Variants in FANCL observed in about 807,000 individuals in gnomAD.
FANCL encodes the protein FA complementation group L.
In FANCL, 69 loss-of-function variants were observed where a neutral mutation model predicts 59.4. The ratio of observed to expected loss-of-function variants is 1.16; its 90% confidence interval spans 0.96 to 1.42. The LOEUF is 1.42. Among genes scored for constraint, FANCL ranks in the 40% most tolerant of loss-of-function variants. The probability of loss-of-function intolerance (pLI) is 0.00; values close to 1 mark genes in which losing one functional copy is unlikely to be tolerated. For missense variants in FANCL, 519 were observed against 447.2 expected, an observed-to-expected ratio of 1.16 and a Z score of -1.45; for synonymous variants, 180 against 147.1, an observed-to-expected ratio of 1.22 and a Z score of -1.62.
chr2:58,232,683 A>T (rs1172422549), intron 1 of FANCL, among the ~76,000 whole-genome samples: 1 of 152,062 alleles, frequency 6.6e-6, no homozygotes, highest in Non-Finnish European at 1.5e-5. Flanking sequence ...TGAAATCAGT[A>T]ACATATTAAC....
intron 5 of FANCL, among the ~76,000 whole-genome samples, chr2:58,217,126 T>C (rs1473432267): frequency 2.7e-5 from 3 of 112,702 alleles, no homozygotes; most frequent in South Asian, 3.3e-4. Flanking sequence ...TACATATATA[T>C]ATATTTTTAT....
intron 7 of FANCL, among the ~76,000 whole-genome samples, chr2:58,197,065 A>G (rs1441841367): frequency 1.3e-5 from 2 of 151,726 alleles, no homozygotes. Context: ...TACTTATAGC[A>G]TACATCAAAA....
At chr2:58,168,329 A>C (rs888460855) in intron 7 of FANCL, among the ~76,000 whole-genome samples, 2 of 152,082 alleles carry the variant, frequency 1.3e-5, no homozygotes, top group Non-Finnish European at 2.9e-5. Flanking sequence ...CTATCACCTC[A>C]CTCAGGAAGC....
At chr2:58,210,992 T>A (rs1691085867) in intron 5 of FANCL, among the ~76,000 whole-genome samples, 1 of 152,174 alleles carries the variant, frequency 6.6e-6, no homozygotes, top group South Asian at 2.1e-4. Context: ...GTGTGCAAGC[T>A]GTCAGTGGAT....
In FANCL at chr2:58,234,088, T is replaced by C. The variant is rs200778219; in HGVS notation, c.97-1976A>G. Among the ~76,000 whole-genome samples the C allele has an allele frequency of 1.2e-4, 18 of 152,070 alleles. No individual in the cohort carries two copies. The East Asian group carries it at 3.3e-3, about 28-fold the overall frequency. On this transcript the variant is annotated intron_variant, in intron 1 of 13. Transcript: ENST00000233741. The stretch of plus-strand genomic sequence containing the variant: ...TAAACTATTGCAAACAGCCAAAACG[T>C]CCATGAATACAAAGATACTGTCTTC...
chr2:58,234,239 G>A (rs1047907585), intron 1 of FANCL, among the ~76,000 whole-genome samples: 1 of 151,942 alleles, frequency 6.6e-6, no homozygotes, highest in Non-Finnish European at 1.5e-5. Context: ...TGAAATAAGT[G>A]AGCATTTGTA....
At chr2:58,195,554 A>T (rs1219069025) in intron 7 of FANCL, among the ~76,000 whole-genome samples, 1 of 152,164 alleles carries the variant, frequency 6.6e-6, no homozygotes, top group East Asian at 1.9e-4. Context: ...CACAACAGAA[A>T]CCACAAGAGA....
chr2:58,171,551 C>T (rs969483624), intron 7 of FANCL, among the ~76,000 whole-genome samples: 1 of 152,048 alleles, frequency 6.6e-6, no homozygotes, highest in Non-Finnish European at 1.5e-5. Flanking sequence ...GATAGAGACA[C>T]GAAAAACCCT....
At chr2:58,236,375 T>C (rs1243730355) in intron 1 of FANCL, among the ~76,000 whole-genome samples, 2 of 151,686 alleles carry the variant, frequency 1.3e-5, no homozygotes, top group African/African-American at 2.4e-5. Context: ...GATAAACCAA[T>C]AGTGCATAAA....
Position 58,160,144 on chromosome 2 carries a change from A to G in FANCL, c.1056T>C (p.Phe352=). 6.2e-7 allele frequency: 1 copy of G among 1,612,936 alleles called. No homozygotes were observed. The highest frequency in any genetic ancestry group is 1.3e-5 in the African/African-American group (1 of 75,010). ...LRGLLTSRQS[F]NIIFGECPYC... is the part of the protein sequence containing the mutation. ...ATGGACATTCACCAAATATGATGTT[A>G]AAACTCTGTCTACTAGTTAGTAGTC... The change falls in exon 13 of 14, where the codon TTT becomes TTC. Residue 352 remains phenylalanine, a synonymous_variant. Coordinates refer to ENST00000233741, the MANE Select transcript of FANCL (RefSeq NM_018062.4).
intron 5 of FANCL, among the ~76,000 whole-genome samples, chr2:58,206,176 T>C (rs933699893): frequency 6.6e-5 from 10 of 152,046 alleles, no homozygotes; most frequent in African/African-American, 7.2e-5. Context: ...CCATCTTTAA[T>C]TGAATGGACG....
intron 5 of FANCL, among the ~76,000 whole-genome samples, chr2:58,217,166 T>TTTTATA (rs1691839854): frequency 2.1e-5 from 1 of 47,356 alleles, no homozygotes; most frequent in African/African-American, 7.8e-5. Context: ...TTTATATATT[T>TTTTATA]TATATATATA....
chr2:58,215,321 C>A (rs1357067755), intron 5 of FANCL, among the ~76,000 whole-genome samples: 2 of 152,186 alleles, frequency 1.3e-5, no homozygotes, highest in Admixed American at 6.5e-5. Flanking sequence ...CCAAATCCTA[C>A]TCAAGACTAA....
At chr2:58,202,832 ATCT>A (rs1413295913) in intron 6 of FANCL, among the ~76,000 whole-genome samples, 1 of 151,888 alleles carries the variant, frequency 6.6e-6, no homozygotes, top group Non-Finnish European at 1.5e-5. Flanking sequence ...TTACAGCAAC[ATCT>A]TCTTAGGAAG....
chr2:58,229,037 A>C (rs1693311525), intron 3 of FANCL, among the ~76,000 whole-genome samples: 1 of 152,192 alleles, frequency 6.6e-6, no homozygotes, highest in East Asian at 1.9e-4. Context: ...TGCCAGGATG[A>C]TAACCTTCAT....
chr2:58,227,790 G>C (rs72948887), intron 3 of FANCL, among the ~76,000 whole-genome samples: 2,995 of 152,250 alleles, frequency 0.02, 112 homozygotes, highest in African/African-American at 0.069. Flanking sequence ...CGGGGGTGGA[G>C]CCCTCACCAG....
At chr2:58,214,882 T>A (rs1356854967) in intron 5 of FANCL, among the ~76,000 whole-genome samples, 1 of 152,134 alleles carries the variant, frequency 6.6e-6, no homozygotes, top group Non-Finnish European at 1.5e-5. Context: ...ATAAATATTA[T>A]TAGCAGGGTA....
intron 5 of FANCL, among the ~76,000 whole-genome samples, chr2:58,213,201 G>A (rs1003491043): frequency 6.6e-6 from 1 of 152,060 alleles, no homozygotes; most frequent in Non-Finnish European, 1.5e-5. Flanking sequence ...AAATCAATCT[G>A]TCATGCAAAT....
intron 8 of FANCL, among the ~76,000 whole-genome samples, chr2:58,164,511 C>T (rs551099546): frequency 6.6e-6 from 1 of 151,902 alleles, no homozygotes; most frequent in South Asian, 2.1e-4. Context: ...AGTACTTTCA[C>T]GTAATATGGG....
Sources: allele counts gnomAD v4.1 joint callset (sites outside exome capture counted in the v4.1 genomes callset), GRCh38; gene constraint gnomAD v4.1.1; transcripts MANE v1.5; gene names NCBI Gene and HGNC (gene_info 2026-07-23, HGNC 2026-07-21).